Variants in DLX1 observed in about 807,000 individuals in gnomAD.
DLX1 encodes the protein homeobox protein DLX-1.
Under a neutral mutation model 25.0 loss-of-function variants are expected in DLX1, and 7 were observed. That is an observed-to-expected ratio of 0.28 (90% CI 0.16 to 0.52). The LOEUF (loss-of-function observed/expected upper bound fraction) is 0.52. Among genes scored for constraint, DLX1 ranks in the 20% least tolerant of loss-of-function variants. The pLI, the probability that DLX1 is intolerant of heterozygous loss-of-function variation, is 0.96. For synonymous variants in DLX1, 155 were observed against 140.3 expected (o/e 1.10, Z -0.74); for missense variants, 233 against 334.4 (o/e 0.70, Z 2.37).
chr2:172,087,227 G>A (rs895740596), intron 2 of DLX1: 1 of 417,620 alleles, frequency 2.4e-6, no homozygotes, highest in African/African-American at 2.0e-5. Context: ...ATCACTCGGG[G>A]CCTGGGTCCG....
intron 1 of DLX1, 183 bp downstream of exon 1, chr2:172,086,173 C>G (rs1431090881): frequency 3.2e-6 from 2 of 617,734 alleles, no homozygotes; most frequent in East Asian, 2.9e-5. Flanking sequence ...ATCCTTGTCA[C>G]AGCAAATAAA....
Position 172,085,885 on chromosome 2 carries a change from C to A in DLX1, c.208C>A (p.Pro70Thr). The change falls in exon 1 of 3, where the codon CCC (proline) becomes ACC (threonine). Residue 70 changes from proline to threonine, a missense_variant. By Grantham distance (38) the Pro-to-Thr change is conservative. Coordinates refer to ENST00000361725, the MANE Select transcript of DLX1 (RefSeq NM_178120.5). The surrounding 1 kb of genome is among the most constrained non-coding windows in gnomAD (Gnocchi z 4.3). The stretch of plus-strand genomic sequence containing the variant: ...GTCCTTCTCCCGACCGCTGGGCTAC[C>A]CCTACGTCAACTCGGTCAGCAGCCA... ...ASSFSRPLGY[P>T]YVNSVSSHAS... 1 of 1,614,230 alleles carries A rather than the reference C, an allele frequency of 6.2e-7. No individual in the cohort carries two copies. The highest frequency in any genetic ancestry group is 8.5e-7 in the Non-Finnish European group (1 of 1,180,044).
At chr2:172,087,290 A>T in intron 2 of DLX1, 1 of 374,938 alleles carries the variant, frequency 2.7e-6, no homozygotes, top group Non-Finnish European at 5.2e-6. Flanking sequence ...GTGGGGGGAG[A>T]TCCTTTCCTC....
At position 172,085,681 on chromosome 2, in the gene DLX1, A is replaced by G; in HGVS notation, c.4A>G (p.Thr2Ala). The part of the protein sequence containing the change: M[T>A]MTTMPESLNS... ...CACCCAGACCCCGCGAGAAGAGATG[A>G]CCATGACCACCATGCCAGAAAGTCT... The change falls in exon 1 of 3, where the codon ACC becomes GCC. Residue 2 changes from threonine to alanine, a missense_variant. Physicochemically the swap from Thr to Ala is moderately conservative, Grantham distance 58. Around this residue, in one of 3 missense-constraint regions of DLX1, gnomAD observed 126 missense variants for 170.4 expected, o/e 0.74. Coordinates refer to ENST00000361725, the MANE Select transcript of DLX1 (RefSeq NM_178120.5). The surrounding 1 kb of genome is among the most constrained non-coding windows in gnomAD (Gnocchi z 4.3). 1 of 1,612,976 alleles carries G rather than the reference A, an allele frequency of 6.2e-7. No homozygotes were observed. The highest frequency in any genetic ancestry group is 8.5e-7 in the Non-Finnish European group (1 of 1,179,380).
chr2:172,086,646 C>A lies in DLX1; in HGVS notation c.314-8C>A. ...TAACAACGGGCCCTACTTCTGCTGTCCCTCCAGGGGCGGACTCGGAGAAGA... is the reference window on the plus strand; with the variant it reads ...TAACAACGGGCCCTACTTCTGCTGTACCTCCAGGGGCGGACTCGGAGAAGA... On this transcript the variant is annotated splice_region_variant and splice_polypyrimidine_tract_variant and intron_variant, in intron 1 of 2. Transcript: ENST00000361725. The A allele has an allele frequency of 5.3e-6, 8 of 1,520,910 alleles. No individual in the cohort carries two copies. Among genetic ancestry groups the A allele is most frequent in the Non-Finnish European group, 7.1e-6 (8 of 1,134,742 alleles). The allele number at this position is 1,520,910 out of a possible 1,614,324, so 94.2% of individuals were successfully genotyped here. A position where few individuals can be genotyped will look rare whatever the true frequency, so the allele number is the denominator to read the frequency against.
chr2:172,086,519 G>T, intron 1 of DLX1, 135 bp from the exon 2 acceptor site: 1 of 890,628 alleles, frequency 1.1e-6, no homozygotes. Flanking sequence ...ACCCTTCCCT[G>T]GCTTTCAGAG....
At chr2:172,087,931 C>T in intron 2 of DLX1, 72 bp from the exon 3 acceptor site, 6 of 1,503,650 alleles carry the variant, frequency 4.0e-6, no homozygotes, top group Non-Finnish European at 5.3e-6. Flanking sequence ...TCTGCGGTCC[C>T]TTTTTTCCTC....
At position 172,086,635 on chromosome 2, in the gene DLX1, A is replaced by G. The variant is rs181014800; in HGVS notation, c.314-19A>G. 4.0e-6 allele frequency: 6 copies of G among 1,517,314 alleles called. No individual in the cohort carries two copies. In the East Asian group the frequency reaches 1.1e-4, roughly 29 times the overall value. 94.0% of individuals were successfully genotyped at this position (1,517,314 alleles called of 1,614,324 possible). A position where few individuals can be genotyped will look rare whatever the true frequency, so the allele number is the denominator to read the frequency against. On this transcript the variant is annotated intron_variant, in intron 1 of 2. Transcript: ENST00000361725. The stretch of plus-strand genomic sequence containing the variant: ...GCCCCTCGTATTAACAACGGGCCCT[A>G]CTTCTGCTGTCCCTCCAGGGGCGGA...
In DLX1 at chr2:172,088,398, G is replaced by A. The variant is rs1574156990; in HGVS notation, c.*141G>A. 2 of 1,142,122 alleles carry A rather than the reference G, an allele frequency of 1.8e-6. No individual in the cohort carries two copies. Among genetic ancestry groups the A allele is most frequent in the Non-Finnish European group, 2.3e-6 (2 of 872,264 alleles). 70.7% of individuals were successfully genotyped at this position (1,142,122 alleles called of 1,614,324 possible). A position where few individuals can be genotyped will look rare whatever the true frequency, so the allele number is the denominator to read the frequency against. ...ACGCCCTCCATCTCCTCGGAGCCCC[G>A]CGAGGTCCGGCCCAGCAACTTCCCG... On this transcript the variant is annotated 3_prime_UTR_variant, in exon 3 of 3. Coordinates refer to ENST00000361725, the MANE Select transcript of DLX1 (RefSeq NM_178120.5).
At position 172,088,352 on chromosome 2, in the gene DLX1, A is replaced by G; in HGVS notation, c.*95A>G. The G allele has an allele frequency of 7.2e-7, 1 of 1,379,434 alleles. No homozygotes were observed. The highest frequency in any genetic ancestry group is 9.5e-7 in the Non-Finnish European group (1 of 1,056,516). The allele number at this position is 1,379,434 out of a possible 1,614,324, so 85.4% of individuals were successfully genotyped here. ...TCCGGAAAAGAAGGACCCAGAGGGA[A>G]GAAGGAACAGTGGAGGCGGGACGCC... On this transcript the variant is annotated 3_prime_UTR_variant, in exon 3 of 3. Coordinates refer to ENST00000361725, the MANE Select transcript of DLX1 (RefSeq NM_178120.5).
In DLX1 at chr2:172,088,200, C is replaced by A; in HGVS notation, c.711C>A (p.Tyr237Ter). The change falls in exon 3 of 3, where the codon TAC becomes TAA. Residue 237 changes from tyrosine to a stop codon, truncating the protein, a stop_gained. Coordinates refer to ENST00000361725, the MANE Select transcript of DLX1 (RefSeq NM_178120.5). LOFTEE classifies it high-confidence loss of function. Reference protein sequence around the residue: ...GGNAGSYIPSYTSWYPSAHQE... With the variant: ...GGNAGSYIPS ...ACGCGGGCTCCTATATCCCCAGCTA[C>A]ACATCGTGGTACCCTTCAGCGCACC... The A allele has an allele frequency of 6.2e-7, 1 of 1,606,448 alleles. No homozygotes were observed. The highest frequency in any genetic ancestry group is 8.5e-7 in the Non-Finnish European group (1 of 1,176,116).
chr2:172,087,971 A>G (rs769384702), intron 2 of DLX1, 32 bp from the exon 3 acceptor site: 1 of 1,506,796 alleles, frequency 6.6e-7, no homozygotes, highest in Admixed American at 2.3e-5. Flanking sequence ...CAGTGGTCCC[A>G]GCCTGAGTCA....
At chr2:172,086,101 C>T in intron 1 of DLX1, 111 bp downstream of exon 1, 1 of 34,014 alleles carries the variant, frequency 2.9e-5, no homozygotes, top group Non-Finnish European at 5.2e-5. Context: ...GAGAGGAGAG[C>T]GAGGTGGGGT....
rs1019451900 is a variant in DLX1, at chr2:172,088,947, G to A, written c.*690G>A. 6.6e-6 allele frequency: 1 copy of A among 152,188 alleles called. No individual in the cohort carries two copies. The highest frequency in any genetic ancestry group is 6.5e-5 in the Admixed American group (1 of 15,296). 9.4% of individuals were successfully genotyped at this position (152,188 alleles called of 1,614,324 possible). A position where few individuals can be genotyped will look rare whatever the true frequency, so the allele number is the denominator to read the frequency against. On this transcript the variant is annotated 3_prime_UTR_variant, in exon 3 of 3. Transcript: ENST00000361725. ...AACGCACTGTTTACTTTAAGCGCAC[G>A]GGGAGAAACGAATAAGGAGGACGTG...
rs1421674836 is a variant in DLX1 at position 172,085,513 on chromosome 2, A to C, written c.-165A>C. The C allele has an allele frequency of 1.3e-5, 9 of 702,942 alleles. No individual in the cohort carries two copies. The highest frequency in any genetic ancestry group is 1.2e-4 in the Admixed American group (4 of 34,350). The allele number at this position is 702,942 out of a possible 1,614,324, so 43.5% of individuals were successfully genotyped here. A position where few individuals can be genotyped will look rare whatever the true frequency, so the allele number is the denominator to read the frequency against. On this transcript the variant is annotated 5_prime_UTR_variant, in exon 1 of 3. Coordinates refer to ENST00000361725, the MANE Select transcript of DLX1 (RefSeq NM_178120.5). This position sits in a 1 kb window ranked among gnomAD's most constrained non-coding sequence, Gnocchi z 4.3. Reference sequence around the variant, plus strand: ...AACCGAGTTTGGGGAGCTCAGCAGCATCATGCTTAGACTTTTCAAAGAGAC... The same window carrying C: ...AACCGAGTTTGGGGAGCTCAGCAGCCTCATGCTTAGACTTTTCAAAGAGAC...
Position 172,085,664 on chromosome 2 carries a change from C to A in DLX1, c.-14C>A, listed in dbSNP as rs1690821742. The A allele has an allele frequency of 6.2e-7, 1 of 1,607,134 alleles. No individual in the cohort carries two copies. The highest frequency in any genetic ancestry group is 8.5e-7 in the Non-Finnish European group (1 of 1,176,402). On this transcript the variant is annotated 5_prime_UTR_variant, in exon 1 of 3. Coordinates refer to ENST00000361725, the MANE Select transcript of DLX1 (RefSeq NM_178120.5). The surrounding 1 kb of genome is among the most constrained non-coding windows in gnomAD (Gnocchi z 4.3). ...GAGGAGAGAAAGTCCCACACCCAGACCCCGCGAGAAGAGATGACCATGACC... is the reference window on the plus strand; with the variant it reads ...GAGGAGAGAAAGTCCCACACCCAGAACCCGCGAGAAGAGATGACCATGACC...
rs1407367281 is a variant in DLX1 at position 172,088,749 on chromosome 2, C to A, written c.*492C>A. ...GCCACAAGGTCTGAGCGGCCCGGGT[C>A]CTGCCGGGCTGACCATCTCCGGATC... On this transcript the variant is annotated 3_prime_UTR_variant, in exon 3 of 3. Transcript: ENST00000361725. 6.5e-6 allele frequency: 1 copy of A among 152,996 alleles called. No homozygotes were observed. The highest frequency in any genetic ancestry group is 6.5e-5 in the Admixed American group (1 of 15,292). 9.5% of individuals were successfully genotyped at this position (152,996 alleles called of 1,614,324 possible). A position where few individuals can be genotyped will look rare whatever the true frequency, so the allele number is the denominator to read the frequency against.
At position 172,088,957 on chromosome 2, in the gene DLX1, G is replaced by C. The variant is rs919678058; in HGVS notation, c.*700G>C. 6.6e-6 allele frequency: 1 copy of C among 152,238 alleles called. No homozygotes were observed. Among genetic ancestry groups the C allele is most frequent in the African/African-American group, 2.4e-5 (1 of 41,448 alleles). The allele number at this position is 152,238 out of a possible 1,614,324, so 9.4% of individuals were successfully genotyped here. On this transcript the variant is annotated 3_prime_UTR_variant, in exon 3 of 3. Transcript: ENST00000361725. ...TTACTTTAAGCGCACGGGGAGAAACGAATAAGGAGGACGTGGTGATTTTTA... is the reference window on the plus strand; with the variant it reads ...TTACTTTAAGCGCACGGGGAGAAACCAATAAGGAGGACGTGGTGATTTTTA...
chr2:172,085,939 C>G lies in DLX1; in HGVS notation c.262C>G (p.Gln88Glu). ...ATCCAGCCCCTACATCAGTTCGGTG[C>G]AGTCCTACCCGGGCAGCGCCAGCCT... ...HASSPYISSV[Q>E]SYPGSASLAQ... is the part of the protein sequence containing the mutation. Residue 88 changes from glutamine (Q) to glutamate (E), a missense_variant, in exon 1 of 3, where the codon CAG becomes GAG. Physicochemically the swap from Gln to Glu is conservative, Grantham distance 29. Transcript: ENST00000361725. This position sits in a 1 kb window ranked among gnomAD's most constrained non-coding sequence, Gnocchi z 4.3. 1 of 1,614,096 alleles carries G rather than the reference C, an allele frequency of 6.2e-7. No individual in the cohort carries two copies. Among genetic ancestry groups the G allele is most frequent in the Non-Finnish European group, 8.5e-7 (1 of 1,180,012 alleles).
Sources: gnomAD v4.1 joint callset for allele counts on GRCh38, gnomAD v4.1.1 for gene constraint, gnomAD v4.1.1 regional missense constraint, Gnocchi (gnomAD v3.1) non-coding constraint, MANE v1.5 for transcripts, NCBI Gene and HGNC (gene_info 2026-07-23, HGNC 2026-07-21) for gene names.